Variants in ATP2B4 observed in about 807,000 individuals in gnomAD.
ATP2B4 encodes ATPase plasma membrane Ca2+ transporting 4, also known as plasma membrane calcium-transporting ATPase 4.
Under a neutral mutation model 110.3 loss-of-function variants are expected in ATP2B4, and 39 were observed. The ratio of observed to expected loss-of-function variants is 0.35; its 90% CI spans 0.27 to 0.46. The LOEUF is 0.46. ATP2B4 is among the 20% of genes least tolerant of loss of function. ATP2B4 has a pLI of 1.00. For synonymous variants in ATP2B4, 538 were observed against 571.7 expected, an observed-to-expected ratio of 0.94 and a Z score of 0.84; for missense variants, 1,135 against 1,530.9, an observed-to-expected ratio of 0.74 and a Z score of 4.32.
intron 19 of ATP2B4, among the ~76,000 whole-genome samples, chr1:203,725,908 T>TTC (rs1558053785): frequency 7.4e-6 from 1 of 134,252 alleles, no homozygotes; most frequent in African/African-American, 2.7e-5. Flanking sequence ...TCTTTTCTTT[T>TTC]TTTTTTTTTT....
intron 8 of ATP2B4, among the ~76,000 whole-genome samples, chr1:203,704,908 T>G (rs1665806348): frequency 6.6e-6 from 1 of 151,998 alleles, no homozygotes; most frequent in East Asian, 1.9e-4. Flanking sequence ...AAAGTGTAGA[T>G]TCAGTTCAGG....
intron 2 of ATP2B4, among the ~76,000 whole-genome samples, chr1:203,695,465 T>C (rs1022544582): frequency 1.3e-5 from 2 of 152,214 alleles, no homozygotes; most frequent in African/African-American, 2.4e-5. Context: ...CCCAATTTGC[T>C]TCTAGAGGTT....
intron 20 of ATP2B4, among the ~76,000 whole-genome samples, chr1:203,730,349 A>G (rs1302624324): frequency 3.9e-5 from 6 of 151,962 alleles, no homozygotes; most frequent in Non-Finnish European, 7.4e-5. Context: ...CGGGACCTAC[A>G]CAAAGTGCCT....
chr1:203,681,189 G>A lies in ATP2B4; in HGVS notation c.-464-1553G>A, dbSNP rs575341286. Among the ~76,000 whole-genome samples, 4 of 152,330 alleles carry A rather than the reference G, an allele frequency of 2.6e-5. No homozygotes were observed. In the East Asian group the frequency reaches 7.7e-4, roughly 29 times the overall value. On this transcript the variant is annotated intron_variant, in intron 1 of 20. Transcript: ENST00000357681. ...TCTTAACTCTTTGTAAGTCAGAGTA[G>A]TGCTAAAAATCTATGTGGCGAGGAG...
rs79692581 is a variant in ATP2B4 at position 203,647,729 on chromosome 1, A to G, written c.-465+20510A>G. Among the ~76,000 whole-genome samples, 63 of 152,080 alleles carry G rather than the reference A, an allele frequency of 4.1e-4. 1 individual carries two copies. The East Asian group carries it at 0.012, about 29-fold the overall frequency. ...AACCAAGATCGTGCCACTGTACTCCACCCTAGGCAACAGAGGGAGACTCTG... is the reference window on the plus strand; with the variant it reads ...AACCAAGATCGTGCCACTGTACTCCGCCCTAGGCAACAGAGGGAGACTCTG... On this transcript the variant is annotated intron_variant, in intron 1 of 20. Transcript: ENST00000357681.
intron 1 of ATP2B4, among the ~76,000 whole-genome samples, chr1:203,659,972 C>T (rs934171188): frequency 6.6e-6 from 1 of 151,774 alleles, no homozygotes; most frequent in African/African-American, 2.4e-5. Context: ...ATCTCAGCTA[C>T]TCGGGAGGCT....
chr1:203,628,784 C>G (rs993558680), intron 1 of ATP2B4, among the ~76,000 whole-genome samples: 3 of 151,986 alleles, frequency 2.0e-5, no homozygotes, highest in Non-Finnish European at 2.9e-5. Flanking sequence ...CTGGGAGTGA[C>G]GAGGGGCTGG....
chr1:203,724,873 T>G (rs1011336402), intron 19 of ATP2B4, among the ~76,000 whole-genome samples: 4 of 140,690 alleles, frequency 2.8e-5, no homozygotes, highest in Non-Finnish European at 3.1e-5. Context: ...CTCTGTTTTT[T>G]TTTTTTTTTT....
intron 20 of ATP2B4, 86 bp from the exon 21 acceptor site, chr1:203,739,460 C>A: frequency 7.3e-7 from 1 of 1,372,720 alleles, no homozygotes; most frequent in Non-Finnish European, 1.0e-6. Flanking sequence ...GGTTTTGTTT[C>A]TCTCCTAAAT....
At chr1:203,634,165 A>G (rs1214007670) in intron 1 of ATP2B4, among the ~76,000 whole-genome samples, 1 of 152,222 alleles carries the variant, frequency 6.6e-6, no homozygotes. Flanking sequence ...AAGTCAAACT[A>G]TCAACATATC....
chr1:203,700,465 G>A (rs76703502), intron 5 of ATP2B4, 134 bp downstream of exon 5: 1 of 1,267,428 alleles, frequency 7.9e-7, no homozygotes, highest in African/African-American at 1.5e-5. Context: ...CAGCATTTTG[G>A]TGGGTGGAAT....
chr1:203,699,817 A>C, intron 4 of ATP2B4, 100 bp downstream of exon 4: 2 of 1,525,298 alleles, frequency 1.3e-6, no homozygotes, highest in Non-Finnish European at 1.8e-6. Context: ...AAACCCAAAA[A>C]GATAAGATCC....
rs1347195345 is a variant in ATP2B4 at position 203,740,852 on chromosome 1, C to T, written c.*998C>T. 2.0e-5 allele frequency: 3 copies of T among 152,250 alleles called. No homozygotes were observed. The highest frequency in any genetic ancestry group is 4.4e-5 in the Non-Finnish European group (3 of 68,052). The allele number at this position is 152,250 out of a possible 1,614,324, so 9.4% of individuals were successfully genotyped here. A position where few individuals can be genotyped will look rare whatever the true frequency, so the allele number is the denominator to read the frequency against. On this transcript the variant is annotated 3_prime_UTR_variant, in exon 21 of 21. Coordinates refer to ENST00000357681, the MANE Select transcript of ATP2B4 (RefSeq NM_001684.5). ...TATTGAGGACCAGACGCTGCCAAATCTAGGACAAGACAGACCATCAAAGCA... is the reference window on the plus strand; with the variant it reads ...TATTGAGGACCAGACGCTGCCAAATTTAGGACAAGACAGACCATCAAAGCA...
At chr1:203,686,278 C>T (rs1177976404) in intron 2 of ATP2B4, among the ~76,000 whole-genome samples, 1 of 152,134 alleles carries the variant, frequency 6.6e-6, no homozygotes, top group Non-Finnish European at 1.5e-5. Context: ...TGTTCTTGAT[C>T]CCTCTGGTCA....
chr1:203,681,303 C>A (rs1665002789), intron 1 of ATP2B4, among the ~76,000 whole-genome samples: 1 of 152,162 alleles, frequency 6.6e-6, no homozygotes, highest in South Asian at 2.1e-4. Flanking sequence ...CAGGAATCGG[C>A]AAAGACTTTG....
At chr1:203,702,225 G>A in intron 7 of ATP2B4, 146 bp downstream of exon 7, 6 of 1,058,340 alleles carry the variant, frequency 5.7e-6, no homozygotes, top group Non-Finnish European at 8.2e-6. Context: ...GGAAGGTGCA[G>A]AGATTTTTGG....
chr1:203,633,204 G>A (rs1408744089), intron 1 of ATP2B4, among the ~76,000 whole-genome samples: 1 of 152,180 alleles, frequency 6.6e-6, no homozygotes, highest in Non-Finnish European at 1.5e-5. Context: ...AAAGGATAAT[G>A]GTAATAGATT....
At chr1:203,734,729 G>C (rs1171832257) in intron 20 of ATP2B4, among the ~76,000 whole-genome samples, 1 of 148,206 alleles carries the variant, frequency 6.7e-6, no homozygotes, top group African/African-American at 2.5e-5. Flanking sequence ...AAAAGGCCAG[G>C]CACAGTGGTT....
chr1:203,724,119 C>A, intron 19 of ATP2B4, 131 bp downstream of exon 19: 1 of 704,266 alleles, frequency 1.4e-6, no homozygotes, highest in South Asian at 2.2e-5. Flanking sequence ...CCCTCCCCAC[C>A]CCCACTCAAG....
Sources: gnomAD v4.1 joint callset for allele counts (sites outside exome capture counted in the v4.1 genomes callset) on GRCh38, gnomAD v4.1.1 for gene constraint, MANE v1.5 for transcripts, NCBI Gene and HGNC (gene_info 2026-07-23, HGNC 2026-07-21) for gene names.